ZNF813: variants seen among roughly 807,000 people sequenced by gnomAD.
ZNF813 encodes zinc finger protein 813.
In ZNF813, 3 loss-of-function variants were observed where a neutral mutation model predicts 7.2. That is an observed-to-expected ratio of 0.42 (90% CI 0.19 to 1.08). The LOEUF is 1.08. ZNF813 is among the 50% of genes least tolerant of loss of function. The pLI is 0.30. For missense variants in ZNF813, 714 were observed against 753.3 expected (o/e 0.95, Z 0.61); for synonymous variants, 227 against 256.3 (o/e 0.89, Z 1.09).
Position 53,491,972 on chromosome 19 carries a change from G to C in ZNF813, c.1740G>C (p.Lys580Asn), listed in dbSNP as rs1208821584. The change falls in exon 4 of 4, where the codon AAG (lysine) becomes AAC (asparagine). Residue 580 changes from lysine (K) to asparagine (N), a missense_variant. Lys to Asn is a moderately conservative substitution (Grantham distance 94, BLOSUM62 0). Coordinates refer to ENST00000396403, the MANE Select transcript of ZNF813 (RefSeq NM_001004301.4). ...HRLHTGEKPY[K>N]CNECGKVFNQ... ...TTCATACTGGAGAGAAACCTTACAA[G>C]TGTAATGAATGTGGCAAGGTTTTTA... 6.2e-7 allele frequency: 1 copy of C among 1,613,558 alleles called. No homozygotes were observed. Among genetic ancestry groups the C allele is most frequent in the East Asian group, 2.2e-5 (1 of 44,818 alleles).
At chr19:53,483,687 G>A in intron 1 of ZNF813, 63 bp from the exon 2 acceptor site, 1 of 1,493,984 alleles carries the variant, frequency 6.7e-7, no homozygotes, top group Non-Finnish European at 9.1e-7. Flanking sequence ...TGTATGTGTT[G>A]TTGTGTTACA....
chr19:53,484,366 A>G (rs1356408450), intron 2 of ZNF813, among the ~76,000 whole-genome samples: 2 of 152,204 alleles, frequency 1.3e-5, no homozygotes, highest in African/African-American at 4.8e-5. Context: ...TCATACAGAC[A>G]TGAATGATAG....
chr19:53,487,602 A>G (rs1291733248), intron 3 of ZNF813, among the ~76,000 whole-genome samples: 2 of 151,822 alleles, frequency 1.3e-5, no homozygotes, highest in African/African-American at 2.4e-5. Context: ...GTTCAAAACC[A>G]GTCTGGCTAA....
rs2086363878 is a variant in ZNF813 at position 53,472,430 on chromosome 19, A to G, written c.-74+4641A>G. ...CTGCTGGACAAGCATCAAAATACAGAGAAATAGGCCATCGGTAAAAGGGAG... is the reference window on the plus strand; with the variant it reads ...CTGCTGGACAAGCATCAAAATACAGGGAAATAGGCCATCGGTAAAAGGGAG... On this transcript the variant is annotated intron_variant, in intron 1 of 3. Transcript: ENST00000396403. 2.0e-5 allele frequency among the ~76,000 whole-genome samples: 3 copies of G among 151,834 alleles called. No homozygotes were observed. In the South Asian group the frequency reaches 6.2e-4, roughly 31 times the overall value.
intron 1 of ZNF813, among the ~76,000 whole-genome samples, chr19:53,478,039 T>C (rs1255102237): frequency 1.3e-4 from 20 of 152,214 alleles, no homozygotes; most frequent in Non-Finnish European, 2.1e-4. Flanking sequence ...GGAATCCCTA[T>C]TCAGCCAGAG....
intron 1 of ZNF813, among the ~76,000 whole-genome samples, chr19:53,468,942 T>C (rs1050226249): frequency 4.6e-5 from 7 of 151,562 alleles, no homozygotes; most frequent in African/African-American, 1.7e-4. Flanking sequence ...GGTCTTTCCT[T>C]TCCCACGAGG....
chr19:53,480,701 A>T (rs73938808), intron 1 of ZNF813, among the ~76,000 whole-genome samples: 2 of 152,278 alleles, frequency 1.3e-5, no homozygotes, highest in East Asian at 3.9e-4. Context: ...TGTATTTTTC[A>T]GTTTTCTTTC....
chr19:53,490,246 G>A, intron 3 of ZNF813, 129 bp from the exon 4 acceptor site: 1 of 1,086,534 alleles, frequency 9.2e-7, no homozygotes, highest in Middle Eastern at 2.4e-4. Context: ...TTACGCTTTT[G>A]TGTTCCTAAA....
In ZNF813 at chr19:53,496,236, A is replaced by C. The variant is rs1279502269; in HGVS notation, c.*4150A>C. 1 of 153,210 alleles carries C rather than the reference A, an allele frequency of 6.5e-6. No homozygotes were observed. Among genetic ancestry groups the C allele is most frequent in the Admixed American group, 6.6e-5 (1 of 15,202 alleles). The allele number at this position is 153,210 out of a possible 1,614,324, so 9.5% of individuals were successfully genotyped here. A position where few individuals can be genotyped will look rare whatever the true frequency, so the allele number is the denominator to read the frequency against. ...TATGTGAGACTTTTCATTTCAAAAT[A>C]AAAAAGGCAAATGATGTAATTGCAT... On this transcript the variant is annotated 3_prime_UTR_variant, in exon 4 of 4. Transcript: ENST00000396403.
At chr19:53,481,341 A>ATTTTT (rs1180229389) in intron 1 of ZNF813, among the ~76,000 whole-genome samples, 1 of 89,214 alleles carries the variant, frequency 1.1e-5, no homozygotes, top group Non-Finnish European at 2.0e-5. Flanking sequence ...GCACCCATGT[A>ATTTTT]TTCTTTTTTT....
chr19:53,484,539 A>G (rs2086423814), intron 2 of ZNF813, among the ~76,000 whole-genome samples: 1 of 152,168 alleles, frequency 6.6e-6, no homozygotes, highest in Non-Finnish European at 1.5e-5. Context: ...TATAATTTGT[A>G]TTGTCATTAT....
At chr19:53,476,163 T>G (rs2086380767) in intron 1 of ZNF813, among the ~76,000 whole-genome samples, 1 of 152,184 alleles carries the variant, frequency 6.6e-6, no homozygotes, top group African/African-American at 2.4e-5. Flanking sequence ...GGCTTGCTTT[T>G]TTGATATTTT....
chr19:53,492,117 C>T lies in ZNF813; in HGVS notation c.*31C>T, dbSNP rs114821526. ...AAAGCTTGCACATCATCATACAATT[C>T]ATACTGGAAAGAAACAAGTGCAATG... On this transcript the variant is annotated 3_prime_UTR_variant, in exon 4 of 4. Transcript: ENST00000396403. 620 of 1,590,014 alleles carry T rather than the reference C, an allele frequency of 3.9e-4. 7 individuals carry two copies. The African/African-American group carries it at 7.6e-3, about 19-fold the overall frequency.
rs114169465 is a variant in ZNF813 at position 53,493,191 on chromosome 19, G to A, written c.*1105G>A. The A allele has an allele frequency of 8.5e-3, 1,683 of 198,854 alleles. 24 individuals are homozygous for A. Among genetic ancestry groups the A allele is most frequent in the African/African-American group, 0.019 (826 of 42,594 alleles). The allele number at this position is 198,854 out of a possible 1,614,324, so 12.3% of individuals were successfully genotyped here. On this transcript the variant is annotated 3_prime_UTR_variant, in exon 4 of 4. Transcript: ENST00000396403. ...AGATCACTTGAGGTCAGGAGTTTCA[G>A]ATCAGTCTGGCCAACAAACATGAGC...
Position 53,491,015 on chromosome 19 carries a change from T to G in ZNF813, c.783T>G (p.His261Gln), listed in dbSNP as rs1473998506. The change falls in exon 4 of 4, where the codon CAT (histidine) becomes CAG (glutamine). Residue 261 changes from histidine to glutamine, a missense_variant. By Grantham distance (24) the His-to-Gln change is conservative (BLOSUM62 0). Transcript: ENST00000396403. ...VFNRKRNLVC[H>Q]RRCHTGEKPY... ...ATCGGAAGCGAAACCTAGTGTGCCA[T>G]CGTAGATGTCACACTGGGGAGAAAC... is the stretch of plus-strand genomic sequence containing the variant. 1.4e-5 allele frequency: 22 copies of G among 1,614,012 alleles called. No homozygotes were observed. Among genetic ancestry groups the G allele is most frequent in the Non-Finnish European group, 1.7e-5 (20 of 1,179,998 alleles).
intron 1 of ZNF813, among the ~76,000 whole-genome samples, chr19:53,472,629 T>TTTTTTTTTAG (rs2086365100): frequency 6.7e-6 from 1 of 149,646 alleles, no homozygotes; most frequent in Admixed American, 6.7e-5. Flanking sequence ...TTTTTTTTTT[T>TTTTTTTTTAG]GAGATGGAGT....
At chr19:53,477,673 T>G (rs1475962895) in intron 1 of ZNF813, among the ~76,000 whole-genome samples, 1 of 104,132 alleles carries the variant, frequency 9.6e-6, no homozygotes, top group African/African-American at 4.0e-5. Context: ...TAAATAAAAT[T>G]AACCAGATGT....
Position 53,491,003 on chromosome 19 carries a change from C to A in ZNF813, c.771C>A (p.Asn257Lys). ...GCAAGGTCTTTAATCGGAAGCGAAA[C>A]CTAGTGTGCCATCGTAGATGTCACA... ...VCGKVFNRKR[N>K]LVCHRRCHTG... The change falls in exon 4 of 4, where the codon AAC becomes AAA. Residue 257 changes from asparagine to lysine, a missense_variant. By Grantham distance (94) the Asn-to-Lys change is moderately conservative (BLOSUM62 0). Coordinates refer to ENST00000396403, the MANE Select transcript of ZNF813 (RefSeq NM_001004301.4). 8 of 1,614,134 alleles carry A rather than the reference C, an allele frequency of 5.0e-6. No homozygotes were observed. Among genetic ancestry groups the A allele is most frequent in the Non-Finnish European group, 6.8e-6 (8 of 1,180,016 alleles).
chr19:53,491,690 G>A lies in ZNF813; in HGVS notation c.1458G>A (p.Thr486=), dbSNP rs200932624. ...FSRISALVIH[T]AIHTGEKPYK... ...GAATTTCAGCCCTCGTAATTCATAC[G>A]GCAATTCATACTGGAGAGAAACCTT... The change falls in exon 4 of 4, where the codon ACG becomes ACA. Residue 486 remains threonine (T), a synonymous_variant. Coordinates refer to ENST00000396403, the MANE Select transcript of ZNF813 (RefSeq NM_001004301.4). 2.2e-5 allele frequency: 36 copies of A among 1,612,050 alleles called. No individual in the cohort carries two copies. Among genetic ancestry groups the A allele is most frequent in the Non-Finnish European group, 2.7e-5 (32 of 1,179,576 alleles).
Sources: allele counts gnomAD v4.1 joint callset (sites outside exome capture counted in the v4.1 genomes callset), GRCh38; gene constraint gnomAD v4.1.1; transcripts MANE v1.5; gene names NCBI Gene and HGNC (gene_info 2026-07-23, HGNC 2026-07-21).